The following ROBO2 variants were observed in gnomAD, a reference collection of about 807,000 sequenced individuals.
ROBO2 encodes roundabout homolog 2.
Under a neutral mutation model 160.8 loss-of-function variants are expected in ROBO2, and 53 were observed. That is an observed-to-expected ratio of 0.33 (90% CI 0.26 to 0.41). The LOEUF is 0.41. Ranked by LOEUF, ROBO2 falls within the 10% of genes least tolerant of loss-of-function variation. ROBO2 has a pLI of 1.00. For missense variants in ROBO2, 1,577 were observed against 1,722.4 expected (o/e 0.92, Z 1.49); for synonymous variants, 664 against 611.7 (o/e 1.09, Z -1.26).
At chr3:77,071,093 A>G (rs1474766109) in intron 1 of ROBO2, among the ~76,000 whole-genome samples, 3 of 152,196 alleles carry the variant, frequency 2.0e-5, no homozygotes. Context: ...ATGCTGTGAA[A>G]GGAAAGTCCC....
At chr3:77,357,381 C>T (rs965664258) in intron 2 of ROBO2, among the ~76,000 whole-genome samples, 4 of 152,070 alleles carry the variant, frequency 2.6e-5, no homozygotes, top group African/African-American at 4.8e-5. Context: ...CCCTCTCTCC[C>T]TCTGTCCTGA....
chr3:76,096,753 T>C (rs1050502306), intron 2 of ROBO2, among the ~76,000 whole-genome samples: 1 of 152,202 alleles, frequency 6.6e-6, no homozygotes, highest in Non-Finnish European at 1.5e-5. Flanking sequence ...ATTATCTTCA[T>C]TTCATAGAAA....
intron 1 of ROBO2, among the ~76,000 whole-genome samples, chr3:77,047,367 A>T (rs906182893): frequency 6.6e-6 from 1 of 152,188 alleles, no homozygotes; most frequent in Non-Finnish European, 1.5e-5. Flanking sequence ...AGTTATAATG[A>T]GAAATAAAAT....
At chr3:76,775,130 G>A (rs780192789) in intron 2 of ROBO2, among the ~76,000 whole-genome samples, 2 of 150,390 alleles carry the variant, frequency 1.3e-5, no homozygotes, top group Admixed American at 6.7e-5. Flanking sequence ...ATGTCTATTC[G>A]ATTAGAAAAT....
intron 2 of ROBO2, among the ~76,000 whole-genome samples, chr3:76,733,204 A>C (rs996536308): frequency 6.6e-6 from 1 of 152,220 alleles, no homozygotes; most frequent in African/African-American, 2.4e-5. Context: ...CCTGCCCAGA[A>C]GGAAAAAAAT....
intron 2 of ROBO2, among the ~76,000 whole-genome samples, chr3:77,022,190 C>T (rs934270206): frequency 4.6e-5 from 7 of 152,088 alleles, no homozygotes; most frequent in African/African-American, 9.7e-5. Flanking sequence ...GCCAACATGG[C>T]GAAATCTCGT....
At chr3:76,709,615 G>A (rs931725243) in intron 2 of ROBO2, among the ~76,000 whole-genome samples, 1 of 152,060 alleles carries the variant, frequency 6.6e-6, no homozygotes, top group Non-Finnish European at 1.5e-5. Context: ...AGGGGTGAGT[G>A]GTTATTTAGT....
chr3:76,406,371 A>G (rs2078124622), intron 2 of ROBO2, among the ~76,000 whole-genome samples: 1 of 151,868 alleles, frequency 6.6e-6, no homozygotes, highest in Non-Finnish European at 1.5e-5. Context: ...ACTTTTGCCA[A>G]CTCAATTTGT....
At chr3:76,642,900 T>TA (rs1237545133) in intron 2 of ROBO2, among the ~76,000 whole-genome samples, 3 of 152,088 alleles carry the variant, frequency 2.0e-5, no homozygotes, top group East Asian at 1.9e-4. Flanking sequence ...GCTTCATTAC[T>TA]AAAAAAATCA....
At chr3:77,425,091 T>A (rs1471409085) in intron 2 of ROBO2, among the ~76,000 whole-genome samples, 1 of 151,956 alleles carries the variant, frequency 6.6e-6, no homozygotes, top group Non-Finnish European at 1.5e-5. Context: ...GGCAAATTGG[T>A]AAATATTTTC....
intron 2 of ROBO2, among the ~76,000 whole-genome samples, chr3:76,217,225 T>C (rs1703605413): frequency 1.3e-5 from 2 of 151,892 alleles, no homozygotes; most frequent in African/African-American, 4.8e-5. Context: ...AGATCTAAAA[T>C]TGACACCCTA....
At chr3:77,287,882 A>G (rs2060718850) in intron 2 of ROBO2, among the ~76,000 whole-genome samples, 1 of 152,204 alleles carries the variant, frequency 6.6e-6, no homozygotes, top group African/African-American at 2.4e-5. Context: ...CCTGAATGAA[A>G]CTGGTAAAAT....
intron 16 of ROBO2, among the ~76,000 whole-genome samples, chr3:77,583,150 TCCAAAAAAAAAA>T (rs1469736805): frequency 3.6e-5 from 2 of 55,470 alleles, no homozygotes; most frequent in African/African-American, 7.1e-5. Flanking sequence ...ACTCTGTCTC[TCCAAAAAAAAAA>T]AAAAAAAAAA....
intron 2 of ROBO2, among the ~76,000 whole-genome samples, chr3:76,994,428 T>C (rs1224125918): frequency 6.6e-6 from 1 of 152,190 alleles, no homozygotes; most frequent in African/African-American, 2.4e-5. Flanking sequence ...TTTTATTGGT[T>C]ACTCTTTTCT....
intron 2 of ROBO2, among the ~76,000 whole-genome samples, chr3:77,016,759 G>A (rs1017592015): frequency 6.6e-6 from 1 of 152,154 alleles, no homozygotes; most frequent in Non-Finnish European, 1.5e-5. Flanking sequence ...GGGGGATCTG[G>A]AAGTATACGT....
chr3:76,682,516 C>G (rs1164794493), intron 2 of ROBO2, among the ~76,000 whole-genome samples: 1 of 151,942 alleles, frequency 6.6e-6, no homozygotes, highest in Non-Finnish European at 1.5e-5. Flanking sequence ...TCAAGCAGTT[C>G]TCTGCCTCAG....
chr3:76,253,713 T>C (rs1180158460), intron 2 of ROBO2, among the ~76,000 whole-genome samples: 1 of 151,450 alleles, frequency 6.6e-6, no homozygotes, highest in East Asian at 1.9e-4. Flanking sequence ...AGTATTAGCA[T>C]ATATAAGCAT....
At chr3:76,814,540 G>A (rs1008944846) in intron 2 of ROBO2, among the ~76,000 whole-genome samples, 5 of 151,974 alleles carry the variant, frequency 3.3e-5, no homozygotes, top group African/African-American at 4.8e-5. Context: ...CGTGGTTTGT[G>A]CAAAATTATT....
At chr3:76,229,795 A>G (rs1704510368) in intron 2 of ROBO2, among the ~76,000 whole-genome samples, 2 of 152,178 alleles carry the variant, frequency 1.3e-5, no homozygotes, top group South Asian at 4.1e-4. Flanking sequence ...ATACAATTAT[A>G]TTTACAGAGG....
Sources: allele counts gnomAD v4.1 joint callset (sites outside exome capture counted in the v4.1 genomes callset), GRCh38; gene constraint gnomAD v4.1.1; transcripts MANE v1.5; gene names NCBI Gene and HGNC (gene_info 2026-07-23, HGNC 2026-07-21).